Variants in TMEFF2 observed in about 807,000 individuals in gnomAD.
TMEFF2 encodes the protein transmembrane protein with EGF like and two follistatin like domains 2.
In TMEFF2, 28 loss-of-function variants were observed where a neutral mutation model predicts 53.8. The ratio of observed to expected loss-of-function variants is 0.52; its 90% CI spans 0.39 to 0.71. TMEFF2 has a LOEUF of 0.71. Among genes scored for constraint, TMEFF2 ranks in the 30% least tolerant of loss-of-function variants. TMEFF2 has a pLI of 0.00. For missense variants in TMEFF2, 353 were observed against 455.2 expected (o/e 0.78, Z 2.04); for synonymous variants, 162 against 166.3 (o/e 0.97, Z 0.20).
chr2:192,028,956 G>A, intron 5 of TMEFF2: 1 of 152,142 alleles, frequency 6.6e-6, no homozygotes, highest in Admixed American at 6.5e-5. Flanking sequence ...GACACCAACA[G>A]AAGAAAGAAA....
intron 7 of TMEFF2, among the ~76,000 whole-genome samples, chr2:191,986,650 G>C (rs1685982550): frequency 6.6e-6 from 1 of 151,510 alleles, no homozygotes; most frequent in South Asian, 2.1e-4. Context: ...ACAAGGTCAG[G>C]AGTTTGAGAC....
At position 191,949,811 on chromosome 2, in the gene TMEFF2, C is replaced by T. The variant is rs1429004139; in HGVS notation, c.*500G>A. The T allele has an allele frequency of 5.1e-6, 5 of 985,162 alleles. No homozygotes were observed. Among genetic ancestry groups the T allele is most frequent in the Non-Finnish European group, 6.0e-6 (5 of 829,816 alleles). 61.0% of individuals were successfully genotyped at this position (985,162 alleles called of 1,614,324 possible). ...AGATCGGAAATATTTTATCCTCACT[C>T]GATATAAAGTAAATTATTTTTTCTC... On this transcript the variant is annotated 3_prime_UTR_variant, in exon 10 of 10. Transcript: ENST00000272771.
intron 7 of TMEFF2, among the ~76,000 whole-genome samples, chr2:191,970,042 A>C (rs1281104548): frequency 6.6e-6 from 1 of 152,176 alleles, no homozygotes; most frequent in Admixed American, 6.5e-5. Context: ...ATGTCAGTGA[A>C]TCAAATATCT....
intron 5 of TMEFF2, among the ~76,000 whole-genome samples, chr2:192,045,550 C>T (rs574348971): frequency 1.3e-5 from 2 of 152,334 alleles, no homozygotes; most frequent in East Asian, 1.9e-4. Flanking sequence ...TCTGTAGCTA[C>T]CACTCAGCTT....
At chr2:192,140,414 A>AG (rs1574409440) in intron 4 of TMEFF2, among the ~76,000 whole-genome samples, 1 of 152,190 alleles carries the variant, frequency 6.6e-6, no homozygotes, top group East Asian at 1.9e-4. Flanking sequence ...TGTAGGCTGA[A>AG]TTATAGGAAT....
intron 7 of TMEFF2, among the ~76,000 whole-genome samples, chr2:191,970,755 G>A (rs1017932663): frequency 1.3e-5 from 2 of 152,160 alleles, no homozygotes; most frequent in African/African-American, 4.8e-5. Context: ...TATTGATAGA[G>A]TGTATCTTTT....
Position 192,193,789 on chromosome 2 carries a change from G to T in TMEFF2, c.172+564C>A. Among the ~76,000 whole-genome samples the T allele has an allele frequency of 2.6e-5, 3 of 113,450 alleles. 1 individual carries two copies. The highest frequency in any genetic ancestry group is 5.8e-5 in the Non-Finnish European group (3 of 51,432). The allele number at this position is 113,450 out of a possible 152,430, so 74.4% of individuals were successfully genotyped here. Reference sequence around the variant, plus strand: ...AGAGAGAGAGAGAGAGAGAGAGAGAGAGAGAGAGAGAGAGAGAGAAATTCT... The same window carrying T: ...AGAGAGAGAGAGAGAGAGAGAGAGATAGAGAGAGAGAGAGAGAGAAATTCT... On this transcript the variant is annotated intron_variant, in intron 1 of 9. Transcript: ENST00000272771.
chr2:192,159,254 A>T (rs988226628), intron 4 of TMEFF2, among the ~76,000 whole-genome samples: 1 of 152,166 alleles, frequency 6.6e-6, no homozygotes, highest in Non-Finnish European at 1.5e-5. Flanking sequence ...ACAAGAAGGA[A>T]CAGAGAGGAG....
intron 4 of TMEFF2, among the ~76,000 whole-genome samples, chr2:192,163,496 C>CTGT (rs1320110224): frequency 6.6e-6 from 1 of 152,112 alleles, no homozygotes; most frequent in African/African-American, 2.4e-5. Context: ...AATTATGGAG[C>CTGT]TGTCTATTTT....
At chr2:192,101,090 A>G (rs1689021009) in intron 4 of TMEFF2, among the ~76,000 whole-genome samples, 1 of 152,166 alleles carries the variant, frequency 6.6e-6, no homozygotes, top group East Asian at 1.9e-4. Flanking sequence ...TTTCCATATC[A>G]CATTATAGTT....
chr2:192,035,390 A>G (rs1041356815), intron 5 of TMEFF2: 1 of 152,188 alleles, frequency 6.6e-6, no homozygotes, highest in African/African-American at 2.4e-5. Context: ...ACACAGTCCT[A>G]TGTCCACTGT....
chr2:191,998,401 A>C (rs963393491), intron 6 of TMEFF2, 80 bp from the exon 7 acceptor site: 1 of 1,046,562 alleles, frequency 9.6e-7, no homozygotes, highest in African/African-American at 1.6e-5. Context: ...TTCCTCCAAC[A>C]ATATCTTCAT....
chr2:191,994,981 A>G (rs1574274754), intron 7 of TMEFF2, among the ~76,000 whole-genome samples: 1 of 151,956 alleles, frequency 6.6e-6, no homozygotes, highest in Non-Finnish European at 1.5e-5. Flanking sequence ...ACTGGCAGGG[A>G]TGATTGAGCA....
chr2:192,160,277 C>T (rs1690602522), intron 4 of TMEFF2, among the ~76,000 whole-genome samples: 1 of 152,102 alleles, frequency 6.6e-6, no homozygotes, highest in African/African-American at 2.4e-5. Context: ...TGTGTATCAA[C>T]ATTTGGTTTG....
chr2:192,152,488 C>T (rs997973340), intron 4 of TMEFF2, among the ~76,000 whole-genome samples: 1 of 151,904 alleles, frequency 6.6e-6, no homozygotes, highest in African/African-American at 2.4e-5. Context: ...GGATTTGATG[C>T]TGCAGTAAAA....
chr2:192,051,230 G>GT (rs10666491), intron 5 of TMEFF2, among the ~76,000 whole-genome samples: 5,430 of 145,602 alleles, frequency 0.037, 356 homozygotes, highest in African/African-American at 0.13. Flanking sequence ...TTTTTTCTGG[G>GT]TTTTTTTTTT....
At chr2:192,079,973 T>C (rs1305511933) in intron 4 of TMEFF2, among the ~76,000 whole-genome samples, 1 of 152,172 alleles carries the variant, frequency 6.6e-6, no homozygotes, top group African/African-American at 2.4e-5. Flanking sequence ...TAACCAAAAG[T>C]ATGCGGTGAT....
intron 7 of TMEFF2, among the ~76,000 whole-genome samples, chr2:191,985,955 T>G (rs1685965380): frequency 6.6e-6 from 1 of 152,192 alleles, no homozygotes; most frequent in Non-Finnish European, 1.5e-5. Flanking sequence ...TGTGACACAG[T>G]GTATCTGGGT....
chr2:192,073,153 G>A (rs1688329899), intron 4 of TMEFF2, among the ~76,000 whole-genome samples: 1 of 151,968 alleles, frequency 6.6e-6, no homozygotes, highest in Admixed American at 6.6e-5. Flanking sequence ...GTGGGTTTGT[G>A]CAAATAAATG....
Sources: allele counts gnomAD v4.1 joint callset (sites outside exome capture counted in the v4.1 genomes callset), GRCh38; gene constraint gnomAD v4.1.1; transcripts MANE v1.5; gene names NCBI Gene and HGNC (gene_info 2026-07-23, HGNC 2026-07-21).